Variants in ZHX2 observed in about 807,000 individuals in gnomAD.
ZHX2 encodes zinc fingers and homeoboxes protein 2.
In ZHX2, 6 loss-of-function variants were observed where a neutral mutation model predicts 21.9. That is an observed-to-expected ratio of 0.27 (90% confidence interval 0.15 to 0.54). The LOEUF (loss-of-function observed/expected upper bound fraction) is 0.54, where lower values mean the gene tolerates loss of function less well. Ranked by LOEUF, ZHX2 falls within the 20% of genes least tolerant of loss-of-function variation. ZHX2 has a pLI of 0.95. For synonymous variants in ZHX2, 434 were observed against 437.1 expected (o/e 0.99, Z 0.09); for missense variants, 908 against 1,090.7 (o/e 0.83, Z 2.36).
chr8:122,882,970 A>T (rs1293327843), intron 2 of ZHX2, among the ~76,000 whole-genome samples: 1 of 152,090 alleles, frequency 6.6e-6, no homozygotes, highest in Non-Finnish European at 1.5e-5. Context: ...TGGCAGAGTG[A>T]GACTCTGTCC....
intron 2 of ZHX2, among the ~76,000 whole-genome samples, chr8:122,911,999 A>T (rs903375355): frequency 2.0e-5 from 3 of 152,190 alleles, no homozygotes; most frequent in Non-Finnish European, 2.9e-5. Flanking sequence ...TCCCTGGCTA[A>T]GGCTCTGGGG....
At chr8:122,910,450 G>T (rs554521119) in intron 2 of ZHX2, among the ~76,000 whole-genome samples, 1 of 152,308 alleles carries the variant, frequency 6.6e-6, no homozygotes, top group Admixed American at 6.5e-5. Context: ...CAAACTGCCA[G>T]TCATGATGTA....
At chr8:122,962,270 AC>A (rs1016617548) in intron 3 of ZHX2, among the ~76,000 whole-genome samples, 41 of 151,300 alleles carry the variant, frequency 2.7e-4, no homozygotes, top group African/African-American at 9.5e-4. Flanking sequence ...TTTATCCCTG[AC>A]CCCCCTCTCA....
At chr8:122,786,590 C>T (rs1817401018) in intron 1 of ZHX2, among the ~76,000 whole-genome samples, 1 of 152,198 alleles carries the variant, frequency 6.6e-6, no homozygotes, top group Admixed American at 6.5e-5. Flanking sequence ...TCACCGTCAT[C>T]ACTGCAACCA....
At chr8:122,936,113 C>A (rs1018616772) in intron 2 of ZHX2, among the ~76,000 whole-genome samples, 2 of 152,166 alleles carry the variant, frequency 1.3e-5, no homozygotes, top group South Asian at 2.1e-4. Context: ...AACGATAGAT[C>A]TGCTGTAGAT....
intron 2 of ZHX2, among the ~76,000 whole-genome samples, chr8:122,915,647 C>T (rs1239119264): frequency 2.0e-5 from 3 of 152,166 alleles, no homozygotes; most frequent in African/African-American, 7.2e-5. Flanking sequence ...GGACCACATC[C>T]AGGCTTTGGG....
chr8:122,803,780 C>T (rs1413551828), intron 1 of ZHX2, among the ~76,000 whole-genome samples: 3 of 152,188 alleles, frequency 2.0e-5, no homozygotes, highest in African/African-American at 7.2e-5. Context: ...TCATTATCCT[C>T]ACCTGAGCTT....
intron 2 of ZHX2, among the ~76,000 whole-genome samples, chr8:122,874,629 G>T (rs1041818571): frequency 9.9e-5 from 15 of 152,048 alleles, no homozygotes; most frequent in African/African-American, 2.2e-4. Context: ...CACCATGCCC[G>T]GCCATTGAAT....
intron 2 of ZHX2, among the ~76,000 whole-genome samples, chr8:122,875,825 A>G (rs1028885962): frequency 6.6e-6 from 1 of 152,266 alleles, no homozygotes; most frequent in East Asian, 1.9e-4. Context: ...CCTCCCTATC[A>G]TTGCCATCAG....
At chr8:122,869,448 T>C (rs934140654) in intron 2 of ZHX2, among the ~76,000 whole-genome samples, 2 of 152,066 alleles carry the variant, frequency 1.3e-5, no homozygotes, top group African/African-American at 4.8e-5. Context: ...CTGCCTCAGC[T>C]TCCCAAGTAC....
intron 1 of ZHX2, among the ~76,000 whole-genome samples, chr8:122,786,391 C>T (rs1009848921): frequency 6.6e-6 from 1 of 152,190 alleles, no homozygotes; most frequent in Non-Finnish European, 1.5e-5. Flanking sequence ...ATTCCTCCAG[C>T]AAGGGCCAGC....
intron 2 of ZHX2, among the ~76,000 whole-genome samples, chr8:122,888,420 A>G (rs1170530382): frequency 6.6e-6 from 1 of 152,190 alleles, no homozygotes; most frequent in Non-Finnish European, 1.5e-5. Flanking sequence ...AGGAAGATTC[A>G]AAATCCTCTC....
chr8:122,841,289 C>T (rs1818620100), intron 1 of ZHX2, among the ~76,000 whole-genome samples: 1 of 152,178 alleles, frequency 6.6e-6, no homozygotes, highest in Non-Finnish European at 1.5e-5. Context: ...CCGGTGACTT[C>T]CGCCTGGTTT....
In ZHX2 at chr8:122,897,248, G is replaced by C. The variant is rs1210607831; in HGVS notation, c.-220+33709G>C. Among the ~76,000 whole-genome samples the C allele has an allele frequency of 3.4e-4, 51 of 152,194 alleles. 1 individual carries two copies. Among genetic ancestry groups the C allele is most frequent in the Admixed American group, 3.3e-3 (51 of 15,276 alleles). On this transcript the variant is annotated intron_variant, in intron 2 of 3. Coordinates refer to ENST00000314393, the MANE Select transcript of ZHX2 (RefSeq NM_014943.5). ...TGCTAGTTATGTTACTAACCTCACT[G>C]TGCCTCAGTTTTGTCACCTATTAAA... is the stretch of plus-strand genomic sequence containing the variant.
intron 3 of ZHX2, among the ~76,000 whole-genome samples, chr8:122,961,521 T>A (rs1813443166): frequency 2.6e-5 from 4 of 151,986 alleles, no homozygotes; most frequent in Admixed American, 2.0e-4. Flanking sequence ...AGGTAATTTA[T>A]AAAGGAAAGA....
intron 2 of ZHX2, among the ~76,000 whole-genome samples, chr8:122,887,260 T>A (rs1286298357): frequency 6.6e-6 from 1 of 152,040 alleles, no homozygotes; most frequent in African/African-American, 2.4e-5. Flanking sequence ...ACGCCTGTAA[T>A]CCCAGCGCTT....
chr8:122,824,787 G>A (rs1818227723), intron 1 of ZHX2, among the ~76,000 whole-genome samples: 1 of 152,240 alleles, frequency 6.6e-6, no homozygotes, highest in African/African-American at 2.4e-5. Context: ...GAGTTTGAAA[G>A]TCCAAAGTGG....
At position 122,862,773 on chromosome 8, in the gene ZHX2, G is replaced by A. The variant is rs144022574; in HGVS notation, c.-282-704G>A. Among the ~76,000 whole-genome samples the A allele has an allele frequency of 5.3e-5, 8 of 152,308 alleles. No homozygotes were observed. The East Asian group carries it at 1.5e-3, about 29-fold the overall frequency. On this transcript the variant is annotated intron_variant, in intron 1 of 3. Coordinates refer to ENST00000314393, the MANE Select transcript of ZHX2 (RefSeq NM_014943.5). The stretch of plus-strand genomic sequence containing the variant: ...GGCTTTCAAGGCGGGCTGGGCGTGG[G>A]GAGTGAGAACGGTGTGCCCTCCGCG...
At chr8:122,961,175 G>A (rs913566830) in intron 3 of ZHX2, among the ~76,000 whole-genome samples, 3 of 152,178 alleles carry the variant, frequency 2.0e-5, no homozygotes, top group South Asian at 4.1e-4. Context: ...GCCTCTCTTC[G>A]TAGCTTGCCA....
Sources: allele counts gnomAD v4.1 joint callset (sites outside exome capture counted in the v4.1 genomes callset), GRCh38; gene constraint gnomAD v4.1.1; transcripts MANE v1.5; gene names NCBI Gene and HGNC (gene_info 2026-07-23, HGNC 2026-07-21).